Variants in TMEM132C observed in about 807,000 individuals in gnomAD.
TMEM132C encodes transmembrane protein 132C, also known as protein phosphatase 1, regulatory subunit 152.
A neutral mutation model predicts 61.4 loss-of-function variants in TMEM132C; 29 were observed. The observed-to-expected ratio is 0.47, with a 90% CI of 0.35 to 0.64. TMEM132C has a LOEUF of 0.64. Among genes scored for constraint, TMEM132C ranks in the 30% least tolerant of loss-of-function variants. The pLI is 0.00. For missense variants in TMEM132C, 1,408 were observed against 1,476.9 expected, an observed-to-expected ratio of 0.95 and a Z score of 0.76; for synonymous variants, 656 against 633.1, an observed-to-expected ratio of 1.04 and a Z score of -0.54.
At position 128,705,120 on chromosome 12, in the gene TMEM132C, A is replaced by C; in HGVS notation, c.2152A>C (p.Ser718Arg). 1 of 1,548,326 alleles carries C rather than the reference A, an allele frequency of 6.5e-7. No homozygotes were observed. Among genetic ancestry groups the C allele is most frequent in the Non-Finnish European group, 8.7e-7 (1 of 1,144,736 alleles). Reference sequence around the variant, plus strand: ...TGTATTCAGCACGTGGCTGCAGTTCAGTGATGGCTCTGTGACGCCCCTGGA... The same window carrying C: ...TGTATTCAGCACGTGGCTGCAGTTCCGTGATGGCTCTGTGACGCCCCTGGA... ...EAVFSTWLQF[S>R]DGSVTPLDIY... The change falls in exon 9 of 9, where the codon AGT becomes CGT. Residue 718 changes from serine to arginine, a missense_variant. By Grantham distance (110) the Ser-to-Arg change is moderately radical. Transcript: ENST00000435159.
At chr12:128,318,478 C>A (rs11059643) in intron 1 of TMEM132C, among the ~76,000 whole-genome samples, 3 of 152,120 alleles carry the variant, frequency 2.0e-5, no homozygotes, top group African/African-American at 7.2e-5. Context: ...GGCTTTTGCA[C>A]GAGAACAACA....
chr12:128,497,271 C>A (rs759017539), intron 2 of TMEM132C, among the ~76,000 whole-genome samples: 7 of 152,200 alleles, frequency 4.6e-5, no homozygotes, highest in Non-Finnish European at 7.3e-5. Context: ...TTAGGCTACT[C>A]GGGGTCAGGG....
Position 128,305,326 on chromosome 12 carries a change from A to C in TMEM132C, c.85+37839A>C, listed in dbSNP as rs144325024. 4.6e-3 allele frequency among the ~76,000 whole-genome samples: 697 copies of C among 152,170 alleles called. 5 individuals carry two copies. The highest frequency in any genetic ancestry group is 0.016 in the African/African-American group (665 of 41,510). ...GTGATACCTCAGTCTGAAGAGGGAG[A>C]GTTTTATTTGTAAGGAGAAAGAGCC... On this transcript the variant is annotated intron_variant, in intron 1 of 8. Transcript: ENST00000435159.
chr12:128,545,554 A>C (rs1032744693), intron 3 of TMEM132C, among the ~76,000 whole-genome samples: 1 of 152,212 alleles, frequency 6.6e-6, no homozygotes, highest in Admixed American at 6.5e-5. Flanking sequence ...ACTGTGATCG[A>C]ACTAATTTAC....
intron 4 of TMEM132C, among the ~76,000 whole-genome samples, chr12:128,659,867 A>C (rs950455849): frequency 3.3e-5 from 5 of 152,210 alleles, no homozygotes; most frequent in Non-Finnish European, 7.3e-5. Context: ...CCACTCCCAC[A>C]ACCCCCACTG....
chr12:128,625,507 C>T (rs1035034673), intron 4 of TMEM132C, among the ~76,000 whole-genome samples: 2 of 152,164 alleles, frequency 1.3e-5, no homozygotes, highest in East Asian at 1.9e-4. Flanking sequence ...GCTGGGGAGG[C>T]CTCACAATCA....
intron 1 of TMEM132C, among the ~76,000 whole-genome samples, chr12:128,363,615 A>AG (rs1217861357): frequency 1.3e-5 from 2 of 152,076 alleles, no homozygotes; most frequent in South Asian, 2.1e-4. Flanking sequence ...TGGGAGGCTG[A>AG]GGGGGCGGAT....
At chr12:128,449,972 G>A (rs1001093177) in intron 2 of TMEM132C, among the ~76,000 whole-genome samples, 3 of 152,178 alleles carry the variant, frequency 2.0e-5, no homozygotes, top group Non-Finnish European at 2.9e-5. Flanking sequence ...AAGATTTGAC[G>A]ATCCCAGCCT....
At chr12:128,430,606 T>C (rs972187431) in intron 2 of TMEM132C, among the ~76,000 whole-genome samples, 1 of 152,222 alleles carries the variant, frequency 6.6e-6, no homozygotes, top group Non-Finnish European at 1.5e-5. Context: ...TGAAGGTTTG[T>C]GGTAACCCTG....
intron 5 of TMEM132C, among the ~76,000 whole-genome samples, chr12:128,686,058 T>TGTGTGCATGC (rs535480388): frequency 0.045 from 5,686 of 127,254 alleles, 311 homozygotes; most frequent in African/African-American, 0.16. Context: ...TGTGCATGTG[T>TGTGTGCATGC]GTGTGTGCAT....
rs144101643 is a variant in TMEM132C, at chr12:128,406,781, A to G, written c.86-7951A>G. On this transcript the variant is annotated intron_variant, in intron 1 of 8. Coordinates refer to ENST00000435159, the MANE Select transcript of TMEM132C (RefSeq NM_001136103.3). ...TGAACACTTTGTAGGCATCATCTCA[A>G]TGAACGCTCATGCACTTGGGAGGCA... is the stretch of plus-strand genomic sequence containing the variant. Among the ~76,000 whole-genome samples, 1,301 of 152,318 alleles carry G rather than the reference A, an allele frequency of 8.5e-3. 15 individuals are homozygous for G. The highest frequency in any genetic ancestry group is 0.027 in the South Asian group (131 of 4,830).
chr12:128,429,163 G>A (rs374941072), intron 2 of TMEM132C, among the ~76,000 whole-genome samples: 35 of 152,186 alleles, frequency 2.3e-4, no homozygotes, highest in African/African-American at 7.2e-4. Flanking sequence ...TCACTTTCCC[G>A]GAGATATCTG....
chr12:128,686,694 G>A (rs1954679805), intron 5 of TMEM132C, among the ~76,000 whole-genome samples: 1 of 152,176 alleles, frequency 6.6e-6, no homozygotes, highest in Admixed American at 6.5e-5. Flanking sequence ...TACTTATTGA[G>A]CATCCACTGT....
intron 2 of TMEM132C, among the ~76,000 whole-genome samples, chr12:128,450,631 T>G (rs1870147636): frequency 6.6e-6 from 1 of 152,240 alleles, no homozygotes; most frequent in African/African-American, 2.4e-5. Context: ...ATAATTCACT[T>G]ATCAAATTTA....
At chr12:128,543,629 G>C (rs915504644) in intron 2 of TMEM132C, among the ~76,000 whole-genome samples, 3 of 152,112 alleles carry the variant, frequency 2.0e-5, no homozygotes, top group African/African-American at 7.2e-5. Context: ...AGGGCGCAGA[G>C]CCCCCTGAGT....
At chr12:128,625,450 C>G (rs1404337510) in intron 4 of TMEM132C, among the ~76,000 whole-genome samples, 1 of 152,086 alleles carries the variant, frequency 6.6e-6, no homozygotes, top group East Asian at 1.9e-4. Context: ...AAGACATACC[C>G]AAATATGGGA....
chr12:128,357,132 C>A (rs1174009934), intron 1 of TMEM132C, among the ~76,000 whole-genome samples: 3 of 152,134 alleles, frequency 2.0e-5, no homozygotes, highest in African/African-American at 7.2e-5. Flanking sequence ...CCCACGTGTC[C>A]AATTTGAATA....
At position 128,681,907 on chromosome 12, in the gene TMEM132C, T is replaced by G. The variant is rs909888474; in HGVS notation, c.1450-11922T>G. 2.7e-5 allele frequency among the ~76,000 whole-genome samples: 4 copies of G among 147,604 alleles called. No individual in the cohort carries two copies. In the Admixed American group the frequency reaches 2.8e-4, roughly 10 times the overall value. ...CTGGTCTCAAACTCCTGACCTTAAG[T>G]GATCCACCCACCTTGGCCTCCCAAA... On this transcript the variant is annotated intron_variant, in intron 5 of 8. Transcript: ENST00000435159.
At chr12:128,697,453 G>T in intron 8 of TMEM132C, 38 bp downstream of exon 8, 17 of 1,494,506 alleles carry the variant, frequency 1.1e-5, no homozygotes, top group Non-Finnish European at 1.5e-5. Context: ...AGGGAGCAGG[G>T]TCAGCCACTG....
Sources: gnomAD v4.1 joint callset for allele counts (sites outside exome capture counted in the v4.1 genomes callset) on GRCh38, gnomAD v4.1.1 for gene constraint, MANE v1.5 for transcripts, NCBI Gene and HGNC (gene_info 2026-07-23, HGNC 2026-07-21) for gene names.